The following PELI2 variants were observed in gnomAD, a reference collection of about 807,000 sequenced individuals.
PELI2 encodes E3 ubiquitin-protein ligase pellino homolog 2.
A neutral mutation model predicts 42.3 loss-of-function variants in PELI2; 23 were observed. That is an observed-to-expected ratio of 0.54 (90% confidence interval 0.39 to 0.77). The LOEUF is 0.77. PELI2 is among the 30% of genes least tolerant of loss of function. The pLI, the probability that PELI2 is intolerant of heterozygous loss-of-function variation, is 0.00. For missense variants in PELI2, 463 were observed against 553.2 expected (o/e 0.84, Z 1.64); for synonymous variants, 245 against 212.2 (o/e 1.15, Z -1.34).
intron 2 of PELI2, among the ~76,000 whole-genome samples, chr14:56,227,234 A>G (rs935129946): frequency 8.5e-5 from 13 of 152,080 alleles, no homozygotes; most frequent in African/African-American, 1.7e-4. Flanking sequence ...TGGGATGACT[A>G]GGTTTGGATG....
rs1466322905 is a variant in PELI2 at position 56,273,629 on chromosome 14, G to T, written c.208-6047G>T. 3.9e-5 allele frequency among the ~76,000 whole-genome samples: 6 copies of T among 152,192 alleles called. No individual in the cohort carries two copies. Among genetic ancestry groups the T allele is most frequent in the African/African-American group, 1.4e-4 (6 of 41,450 alleles). ...GCCTTAATACAGTGAAATCAGCCCG[G>T]CTTTGACTCCCTATTGGATTAATTA... is the stretch of plus-strand genomic sequence containing the variant. On this transcript the variant is annotated intron_variant, in intron 2 of 5. Coordinates refer to ENST00000267460, the MANE Select transcript of PELI2 (RefSeq NM_021255.3). This position sits in a 1 kb window ranked among gnomAD's most constrained non-coding sequence, Gnocchi z 4.3.
At chr14:56,134,464 T>C (rs1023592953) in intron 1 of PELI2, among the ~76,000 whole-genome samples, 1 of 152,242 alleles carries the variant, frequency 6.6e-6, no homozygotes, top group Non-Finnish European at 1.5e-5. Context: ...TATATGCTTG[T>C]ATTTATGTTT....
chr14:56,230,991 G>T (rs1887542614), intron 2 of PELI2, among the ~76,000 whole-genome samples: 1 of 152,110 alleles, frequency 6.6e-6, no homozygotes, highest in Non-Finnish European at 1.5e-5. Context: ...TAAACCAACA[G>T]ATCAAAAGAG....
intron 2 of PELI2, among the ~76,000 whole-genome samples, chr14:56,248,254 T>C (rs2139809329): frequency 6.6e-6 from 1 of 152,358 alleles, no homozygotes; most frequent in South Asian, 2.1e-4. Context: ...CGACCAAATA[T>C]GTGGCTTCTT....
At chr14:56,210,862 T>G (rs1292467307) in intron 2 of PELI2, among the ~76,000 whole-genome samples, 3 of 152,212 alleles carry the variant, frequency 2.0e-5, no homozygotes, top group African/African-American at 7.2e-5. Context: ...TGGCTGAACA[T>G]CCTCAGAGTT....
At chr14:56,252,887 T>C (rs1407089995) in intron 2 of PELI2, among the ~76,000 whole-genome samples, 1 of 152,142 alleles carries the variant, frequency 6.6e-6, no homozygotes, top group Non-Finnish European at 1.5e-5. Context: ...TACCAAAACC[T>C]GGCAGAGACA....
chr14:56,268,484 C>T (rs2139849295), intron 2 of PELI2, among the ~76,000 whole-genome samples: 1 of 152,306 alleles, frequency 6.6e-6, no homozygotes, highest in East Asian at 1.9e-4. Flanking sequence ...TTTTCTCTCT[C>T]TCTTAGTCTT....
At chr14:56,224,059 A>G (rs1314780217) in intron 2 of PELI2, among the ~76,000 whole-genome samples, 1 of 152,244 alleles carries the variant, frequency 6.6e-6, no homozygotes, top group African/African-American at 2.4e-5. Flanking sequence ...ATGGATGAAC[A>G]TGGCTTTTAA....
At chr14:56,231,381 A>G (rs1887567156) in intron 2 of PELI2, among the ~76,000 whole-genome samples, 3 of 152,266 alleles carry the variant, frequency 2.0e-5, no homozygotes, top group Admixed American at 2.0e-4. Flanking sequence ...CAGCAAATGT[A>G]AAAGAACAGA....
intron 1 of PELI2, 58 bp downstream of exon 1, chr14:56,118,795 T>C: frequency 7.4e-6 from 9 of 1,222,246 alleles, no homozygotes; most frequent in Non-Finnish European, 1.0e-5. Context: ...GCCCGCATCC[T>C]GGAGCGGGGC....
chr14:56,170,579 G>C (rs138741170), intron 1 of PELI2, among the ~76,000 whole-genome samples: 3 of 152,248 alleles, frequency 2.0e-5, no homozygotes, highest in African/African-American at 4.8e-5. Context: ...GTGTAAGTTC[G>C]TGTGTGATCA....
Position 56,118,442 on chromosome 14 carries a change from C to CCGCGGCG in PELI2, c.-213_-207dup, listed in dbSNP as rs1218693977. 3.3e-6 allele frequency: 1 copy of CCGCGGCG among 303,376 alleles called. No homozygotes were observed. Among genetic ancestry groups the CCGCGGCG allele is most frequent in the African/African-American group, 2.2e-5 (1 of 45,330 alleles). The allele number at this position is 303,376 out of a possible 1,614,324, so 18.8% of individuals were successfully genotyped here. On this transcript the variant is annotated 5_prime_UTR_variant, in exon 1 of 6. Coordinates refer to ENST00000267460, the MANE Select transcript of PELI2 (RefSeq NM_021255.3). Reference sequence around the variant, plus strand: ...TGTTGCCGGCTCTGACTCGGGGCGGCCGCGGCGCGCGGAGCTCCGGGGAGT... The same window carrying CCGCGGCG: ...TGTTGCCGGCTCTGACTCGGGGCGGCCGCGGCGCGCGGCGCGCGGAGCTCCGGGGAGT...
intron 1 of PELI2, among the ~76,000 whole-genome samples, chr14:56,126,843 A>T (rs1883288419): frequency 6.6e-6 from 1 of 152,192 alleles, no homozygotes; most frequent in African/African-American, 2.4e-5. Context: ...TGCTGACTAG[A>T]TCCTTGATGT....
At chr14:56,136,065 C>T (rs902429243) in intron 1 of PELI2, among the ~76,000 whole-genome samples, 3 of 152,134 alleles carry the variant, frequency 2.0e-5, no homozygotes, top group Non-Finnish European at 4.4e-5. Flanking sequence ...TGGGACCCAA[C>T]AGAATTCTCT....
chr14:56,205,191 C>A (rs1319679082), intron 2 of PELI2, among the ~76,000 whole-genome samples: 1 of 151,958 alleles, frequency 6.6e-6, no homozygotes, highest in Non-Finnish European at 1.5e-5. Flanking sequence ...GAACATGGAG[C>A]GCTGGAGAAG....
In PELI2 at chr14:56,273,200, A is replaced by C. The variant is rs926675015; in HGVS notation, c.208-6476A>C. On this transcript the variant is annotated intron_variant, in intron 2 of 5. Coordinates refer to ENST00000267460, the MANE Select transcript of PELI2 (RefSeq NM_021255.3). This position sits in a 1 kb window ranked among gnomAD's most constrained non-coding sequence, Gnocchi z 4.3. ...CATCTTGGTGCTCCCAGGCCTCCCT[A>C]TCCCCATGTGGCATTTCATTCTCCA... Among the ~76,000 whole-genome samples the C allele has an allele frequency of 6.6e-6, 1 of 152,136 alleles. No individual in the cohort carries two copies. Among genetic ancestry groups the C allele is most frequent in the Non-Finnish European group, 1.5e-5 (1 of 68,022 alleles).
chr14:56,132,475 G>A (rs1175682168), intron 1 of PELI2, among the ~76,000 whole-genome samples: 2 of 152,190 alleles, frequency 1.3e-5, no homozygotes, highest in African/African-American at 4.8e-5. Flanking sequence ...TGGGACTCCT[G>A]TCGTGGGGTG....
intron 1 of PELI2, among the ~76,000 whole-genome samples, chr14:56,132,030 T>C (rs1380848185): frequency 2.0e-5 from 3 of 152,158 alleles, no homozygotes; most frequent in African/African-American, 7.2e-5. Context: ...TTACTAATTA[T>C]AAATTAGTAA....
Position 56,296,969 on chromosome 14 carries a change from T to C in PELI2, c.1066T>C (p.Tyr356His). 6.2e-7 allele frequency: 1 copy of C among 1,614,130 alleles called. No homozygotes were observed. Among genetic ancestry groups the C allele is most frequent in the Non-Finnish European group, 8.5e-7 (1 of 1,180,012 alleles). Residue 356 changes from tyrosine to histidine, a missense_variant, in exon 6 of 6, where the codon TAT (tyrosine) becomes CAT (histidine). Tyr to His is a moderately conservative substitution (Grantham distance 83). Around this residue, in one of 3 missense-constraint regions of PELI2, gnomAD observed 103 missense variants for 129.6 expected, o/e 0.80. Transcript: ENST00000267460. ...CTGGCTTGGCTGTGAGGCAGGATTT[T>C]ATGTAGACGCAGGACCGCCAACTCA... ...PLWLGCEAGF[Y>H]VDAGPPTHAF...
Sources: gnomAD v4.1 joint callset for allele counts (sites outside exome capture counted in the v4.1 genomes callset) on GRCh38, gnomAD v4.1.1 for gene constraint, gnomAD v4.1.1 regional missense constraint, Gnocchi (gnomAD v3.1) non-coding constraint, MANE v1.5 for transcripts, NCBI Gene and HGNC (gene_info 2026-07-23, HGNC 2026-07-21) for gene names.